Variants in C11orf58 observed in about 807,000 individuals in gnomAD.
The protein encoded by C11orf58 is chromosome 11 open reading frame 58.
In C11orf58, 5 loss-of-function variants were observed where a neutral mutation model predicts 22.7. The observed-to-expected ratio is 0.22, with a 90% CI of 0.12 to 0.46. The LOEUF is 0.46. Ranked by LOEUF, C11orf58 falls within the 20% of genes least tolerant of loss-of-function variation. The probability of loss-of-function intolerance (pLI) is 0.99; values close to 1 mark genes in which losing one functional copy is unlikely to be tolerated. For synonymous variants in C11orf58, 71 were observed against 70.7 expected, an observed-to-expected ratio of 1.00 and a Z score of -0.02; for missense variants, 151 against 223.3, an observed-to-expected ratio of 0.68 and a Z score of 2.06.
chr11:16,739,144 G>A (rs1848422480), intron 1 of C11orf58, among the ~76,000 whole-genome samples: 1 of 152,100 alleles, frequency 6.6e-6, no homozygotes, highest in Non-Finnish European at 1.5e-5. Flanking sequence ...TTGGGGGGCC[G>A]ATGAGAGTGC....
rs894944240 is a variant in C11orf58, at chr11:16,754,090, A to AT, written c.319-772dup. On this transcript the variant is annotated intron_variant, in intron 4 of 4. Coordinates refer to ENST00000228136, the MANE Select transcript of C11orf58 (RefSeq NM_014267.6). The stretch of plus-strand genomic sequence containing the variant: ...AATAATGGTTTAGGAGAGCTTTTTT[A>AT]TTTTTTTTTCAGTTGTTTCCTAAGT... 500 of 382,562 alleles carry AT rather than the reference A, an allele frequency of 1.3e-3. 3 individuals carry two copies. The highest frequency in any genetic ancestry group is 9.3e-3 in the South Asian group (73 of 7,834). The allele number at this position is 382,562 out of a possible 1,614,324, so 23.7% of individuals were successfully genotyped here.
chr11:16,748,263 T>G, intron 3 of C11orf58, 106 bp downstream of exon 3: 1 of 931,402 alleles, frequency 1.1e-6, no homozygotes, highest in Non-Finnish European at 1.7e-6. Context: ...TGTAAATTAT[T>G]AAAATATTAT....
rs780936665 is a variant in C11orf58, at chr11:16,738,835, C to T, written c.57C>T (p.Asp19=). 34 of 1,613,912 alleles carry T rather than the reference C, an allele frequency of 2.1e-5. No homozygotes were observed. In the South Asian group the frequency reaches 3.6e-4, roughly 17 times the overall value. ...GGGTGAAGCGTTCAGCCTCCCCAGA[C>T]GACGATGTAAATAATAATGGCGGAG... ...PHGVKRSASP[D]DDLGSSNWEA... Residue 19 remains aspartate, a synonymous_variant, in exon 1 of 5, where the codon GAC becomes GAT. Transcript: ENST00000228136.
At chr11:16,739,288 G>A (rs988941635) in intron 1 of C11orf58, among the ~76,000 whole-genome samples, 4 of 152,180 alleles carry the variant, frequency 2.6e-5, no homozygotes, top group African/African-American at 7.2e-5. Flanking sequence ...TTTTTACAAT[G>A]TGCTGTTGAG....
chr11:16,745,404 T>A (rs1487195316), intron 2 of C11orf58, among the ~76,000 whole-genome samples: 1 of 152,216 alleles, frequency 6.6e-6, no homozygotes, highest in Non-Finnish European at 1.5e-5. Flanking sequence ...ACTGGAAGTC[T>A]TACTGATAAC....
rs1590076914 is a variant in C11orf58, at chr11:16,755,784, C to T, written c.*680C>T. 2.0e-5 allele frequency: 3 copies of T among 152,680 alleles called. No homozygotes were observed. Among genetic ancestry groups the T allele is most frequent in the South Asian group, 4.2e-4 (2 of 4,816 alleles). The allele number at this position is 152,680 out of a possible 1,614,324, so 9.5% of individuals were successfully genotyped here. A position where few individuals can be genotyped will look rare whatever the true frequency, so the allele number is the denominator to read the frequency against. ...ATTTTTACAGAAGAAATTCTCTGAT[C>T]ATTTAGTTCTGTCTATTTAGAAATA... On this transcript the variant is annotated 3_prime_UTR_variant, in exon 5 of 5. Transcript: ENST00000228136.
intron 1 of C11orf58, among the ~76,000 whole-genome samples, chr11:16,743,943 T>G (rs1035622077): frequency 1.3e-5 from 2 of 151,676 alleles, no homozygotes; most frequent in Non-Finnish European, 2.9e-5. Flanking sequence ...ATAGCATGAG[T>G]TTTAGTCTGT....
chr11:16,752,592 T>C, intron 3 of C11orf58, 193 bp from the exon 4 acceptor site: 1 of 372,604 alleles, frequency 2.7e-6, no homozygotes, highest in Non-Finnish European at 4.8e-6. Context: ...TAGTAATAAA[T>C]ATTTATGCTA....
chr11:16,738,848 A>C lies in C11orf58; in HGVS notation c.63+7A>C, dbSNP rs1240274810. 1 of 1,614,046 alleles carries C rather than the reference A, an allele frequency of 6.2e-7. No homozygotes were observed. ...AGCCTCCCCAGACGACGATGTAAAT[A>C]ATAATGGCGGAGTGGCTGAGGGTTG... On this transcript the variant is annotated splice_region_variant and intron_variant, in intron 1 of 4. Coordinates refer to ENST00000228136, the MANE Select transcript of C11orf58 (RefSeq NM_014267.6).
Position 16,758,110 on chromosome 11 carries a change from C to G in C11orf58, c.*3006C>G, listed in dbSNP as rs1285031358. Among the ~76,000 whole-genome samples the G allele has an allele frequency of 1.3e-5, 2 of 152,206 alleles. No individual in the cohort carries two copies. Among genetic ancestry groups the G allele is most frequent in the Non-Finnish European group, 2.9e-5 (2 of 68,038 alleles). On this transcript the variant is annotated 3_prime_UTR_variant, in exon 5 of 5. Transcript: ENST00000228136. The stretch of plus-strand genomic sequence containing the variant: ...AATAAAAGTATTCACTTCTAACCAA[C>G]TCCTCCTCCTTTATACCTGCTCTGT...
At chr11:16,740,382 C>CT (rs1848436819) in intron 1 of C11orf58, among the ~76,000 whole-genome samples, 1 of 152,104 alleles carries the variant, frequency 6.6e-6, no homozygotes, top group Non-Finnish European at 1.5e-5. Flanking sequence ...ATAAGCGTAT[C>CT]TTTAAGTACC....
Position 16,757,763 on chromosome 11 carries a change from A to G in C11orf58, c.*2659A>G, listed in dbSNP as rs1590077799. On this transcript the variant is annotated 3_prime_UTR_variant, in exon 5 of 5. Transcript: ENST00000228136. ...TATATCCAAGTGTTTACTTGTATCC[A>G]TGACCTAACCGTCTATTGAAAAGAA... 6.6e-6 allele frequency among the ~76,000 whole-genome samples: 1 copy of G among 152,252 alleles called. No homozygotes were observed. The highest frequency in any genetic ancestry group is 2.4e-5 in the African/African-American group (1 of 41,462).
At chr11:16,741,484 T>C (rs903041115) in intron 1 of C11orf58, among the ~76,000 whole-genome samples, 1 of 152,194 alleles carries the variant, frequency 6.6e-6, no homozygotes, top group Non-Finnish European at 1.5e-5. Flanking sequence ...GGAACTCTCT[T>C]AAAATGTATA....
intron 4 of C11orf58, among the ~76,000 whole-genome samples, chr11:16,754,610 C>T (rs1456523260): frequency 1.0e-5 from 1 of 99,800 alleles, no homozygotes; most frequent in Admixed American, 1.5e-4. Flanking sequence ...CACTATGTTG[C>T]CCAGGCTGGT....
intron 1 of C11orf58, among the ~76,000 whole-genome samples, chr11:16,739,902 T>G (rs1848432086): frequency 6.6e-6 from 1 of 152,224 alleles, no homozygotes; most frequent in South Asian, 2.1e-4. Flanking sequence ...AATACTACTT[T>G]GTAGCAAATG....
At chr11:16,747,673 G>A (rs7130565) in intron 2 of C11orf58, 2,770 of 153,990 alleles carry the variant, frequency 0.018, 76 homozygotes, top group East Asian at 0.053. Flanking sequence ...ATTTTTGTCA[G>A]GCTAAATCTC....
chr11:16,745,280 T>C (rs994186134), intron 2 of C11orf58, among the ~76,000 whole-genome samples: 2 of 152,162 alleles, frequency 1.3e-5, no homozygotes, highest in African/African-American at 4.8e-5. Context: ...TAATAGAAGG[T>C]ACAGTTGACC....
chr11:16,743,737 CTATT>C (rs1460442775), intron 1 of C11orf58, among the ~76,000 whole-genome samples: 1 of 151,960 alleles, frequency 6.6e-6, no homozygotes, highest in Non-Finnish European at 1.5e-5. Context: ...ATCTTAAAAA[CTATT>C]TAGTTATTTT....
chr11:16,742,119 T>C (rs1026323299), intron 1 of C11orf58, among the ~76,000 whole-genome samples: 7 of 152,356 alleles, frequency 4.6e-5, no homozygotes, highest in African/African-American at 1.2e-4. Context: ...TTAGAAGTTG[T>C]AGATGACAGT....
Sources: allele counts gnomAD v4.1 joint callset (sites outside exome capture counted in the v4.1 genomes callset), GRCh38; gene constraint gnomAD v4.1.1; transcripts MANE v1.5; gene names NCBI Gene and HGNC (gene_info 2026-07-23, HGNC 2026-07-21).